LUZP2: variants seen among roughly 807,000 people sequenced by gnomAD.
The protein encoded by LUZP2 is leucine zipper protein 2.
In LUZP2, 52 loss-of-function variants were observed where a neutral mutation model predicts 51.6. The ratio of observed to expected loss-of-function variants is 1.01; its 90% CI spans 0.81 to 1.27. The LOEUF (loss-of-function observed/expected upper bound fraction) is 1.27, where lower values mean the gene tolerates loss of function less well. Among genes scored for constraint, LUZP2 ranks in the 50% most tolerant of loss-of-function variants. LUZP2 has a pLI of 0.00. For missense variants in LUZP2, 436 were observed against 395.4 expected (o/e 1.10, Z -0.87); for synonymous variants, 154 against 137.3 (o/e 1.12, Z -0.85).
chr11:24,569,523 A>G (rs980742956), intron 1 of LUZP2, among the ~76,000 whole-genome samples: 62 of 152,162 alleles, frequency 4.1e-4, no homozygotes, highest in African/African-American at 1.4e-3. Context: ...TTGAATAGCA[A>G]ACTTATATAC....
chr11:24,552,164 T>G (rs1237861554), intron 1 of LUZP2, among the ~76,000 whole-genome samples: 1 of 152,030 alleles, frequency 6.6e-6, no homozygotes. Context: ...CAAATGTAGA[T>G]TCAGTATCTT....
At chr11:24,579,493 G>A (rs1457255776) in intron 1 of LUZP2, among the ~76,000 whole-genome samples, 1 of 151,990 alleles carries the variant, frequency 6.6e-6, no homozygotes. Context: ...CAATTGCAAA[G>A]GACAAAATTG....
At position 24,963,265 on chromosome 11, in the gene LUZP2, G is replaced by A. The variant is rs543286008; in HGVS notation, c.523-13326G>A. Among the ~76,000 whole-genome samples, 1,034 of 152,226 alleles carry A rather than the reference G, an allele frequency of 6.8e-3. 6 individuals carry two copies. Among genetic ancestry groups the A allele is most frequent in the Non-Finnish European group, 0.011 (740 of 68,008 alleles). Reference sequence around the variant, plus strand: ...TGCCGGTTCTCAGATCTCCAGCTGCGTGCTGGGAGAACCACTGCTCTCTTC... The same window carrying A: ...TGCCGGTTCTCAGATCTCCAGCTGCATGCTGGGAGAACCACTGCTCTCTTC... On this transcript the variant is annotated intron_variant, in intron 7 of 11. Coordinates refer to ENST00000336930, the MANE Select transcript of LUZP2 (RefSeq NM_001009909.4).
rs1854524788 is a variant in LUZP2 at position 24,622,315 on chromosome 11, TC to T, written c.63-106852del. ...CACAACAGGCCCCAGTGTGTGATGT[TC>T]CGCTTCCTGTGTCCATGTGTTCTCA... On this transcript the variant is annotated intron_variant, in intron 1 of 11. Coordinates refer to ENST00000336930, the MANE Select transcript of LUZP2 (RefSeq NM_001009909.4). 2.0e-5 allele frequency among the ~76,000 whole-genome samples: 3 copies of T among 151,030 alleles called. No individual in the cohort carries two copies. In the South Asian group the frequency reaches 6.5e-4, roughly 33 times the overall value.
At chr11:24,877,133 G>A (rs1470507684) in intron 5 of LUZP2, among the ~76,000 whole-genome samples, 1 of 152,124 alleles carries the variant, frequency 6.6e-6, no homozygotes, top group African/African-American at 2.4e-5. Context: ...GTGAAGTGCA[G>A]AACCCTAGCT....
At chr11:24,723,671 T>TA (rs377447929) in intron 1 of LUZP2, among the ~76,000 whole-genome samples, 2 of 151,716 alleles carry the variant, frequency 1.3e-5, no homozygotes, top group African/African-American at 4.8e-5. Flanking sequence ...TACAAAAAAT[T>TA]AAAAAAGCTT....
chr11:24,910,448 G>A (rs1853590903), intron 6 of LUZP2, among the ~76,000 whole-genome samples: 1 of 152,172 alleles, frequency 6.6e-6, no homozygotes, highest in African/African-American at 2.4e-5. Flanking sequence ...GCTGGGTCCA[G>A]GGCCTCCCTG....
intron 5 of LUZP2, among the ~76,000 whole-genome samples, chr11:24,862,836 A>T (rs1851780704): frequency 6.6e-6 from 1 of 152,256 alleles, no homozygotes; most frequent in South Asian, 2.1e-4. Context: ...AATTCAGAAT[A>T]TATAAAGAAA....
intron 1 of LUZP2, among the ~76,000 whole-genome samples, chr11:24,613,765 A>G (rs2133891516): frequency 6.6e-6 from 1 of 150,986 alleles, no homozygotes; most frequent in Non-Finnish European, 1.5e-5. Context: ...AAGAGACATT[A>G]AAAGAGGATA....
intron 1 of LUZP2, among the ~76,000 whole-genome samples, chr11:24,599,481 C>A (rs931346148): frequency 6.6e-6 from 1 of 152,090 alleles, no homozygotes; most frequent in African/African-American, 2.4e-5. Context: ...AATTGACAAC[C>A]CTTGTATGTA....
chr11:24,895,036 A>G (rs1852993237), intron 5 of LUZP2, among the ~76,000 whole-genome samples: 1 of 152,170 alleles, frequency 6.6e-6, no homozygotes, highest in African/African-American at 2.4e-5. Flanking sequence ...TTATATAGGC[A>G]AGACATTAGA....
At chr11:24,849,429 CT>C (rs1206232231) in intron 5 of LUZP2, among the ~76,000 whole-genome samples, 20 of 152,068 alleles carry the variant, frequency 1.3e-4, no homozygotes, top group Middle Eastern at 3.4e-3. Context: ...TGGTTTCCAG[CT>C]TAATCCATGT....
At chr11:24,999,070 A>T (rs1005297527) in intron 9 of LUZP2, among the ~76,000 whole-genome samples, 1 of 152,154 alleles carries the variant, frequency 6.6e-6, no homozygotes, top group Non-Finnish European at 1.5e-5. Flanking sequence ...ACACATGGTC[A>T]TTGAGCCCTT....
At chr11:24,587,462 G>A (rs1210878478) in intron 1 of LUZP2, among the ~76,000 whole-genome samples, 3 of 152,120 alleles carry the variant, frequency 2.0e-5, no homozygotes, top group Non-Finnish European at 4.4e-5. Flanking sequence ...TGTCTGGACG[G>A]AAAATTTTCT....
At chr11:24,557,880 C>T (rs796828754) in intron 1 of LUZP2, among the ~76,000 whole-genome samples, 4 of 152,152 alleles carry the variant, frequency 2.6e-5, no homozygotes, top group African/African-American at 9.6e-5. Context: ...GTGCTGAGCC[C>T]GTTTCTCTTC....
intron 7 of LUZP2, among the ~76,000 whole-genome samples, chr11:24,962,865 GCT>G (rs755546549): frequency 6.6e-6 from 1 of 152,150 alleles, no homozygotes. Context: ...CAGTTTTTCT[GCT>G]CTGTTTTTTC....
At chr11:24,725,056 A>G (rs889868215) in intron 1 of LUZP2, among the ~76,000 whole-genome samples, 3 of 152,162 alleles carry the variant, frequency 2.0e-5, no homozygotes, top group Admixed American at 2.0e-4. Flanking sequence ...TATAATGCAA[A>G]TGCAATTTCA....
intron 5 of LUZP2, among the ~76,000 whole-genome samples, chr11:24,871,866 C>T (rs75771740): frequency 0.045 from 6,776 of 152,120 alleles, 480 homozygotes; most frequent in African/African-American, 0.15. Flanking sequence ...TATGCAGTTA[C>T]GTTAGGAAAT....
Position 24,841,072 on chromosome 11 carries a change from T to C in LUZP2, c.397-64919T>C, listed in dbSNP as rs970598821. ...ATGAAATGACTTTGGAGTAGTGTTA[T>C]AGACTATATGTTTCTGTCCCCCAAA... On this transcript the variant is annotated intron_variant, in intron 5 of 11. Transcript: ENST00000336930. 6.6e-4 allele frequency among the ~76,000 whole-genome samples: 100 copies of C among 151,990 alleles called. 1 individual carries two copies. The highest frequency in any genetic ancestry group is 2.3e-3 in the African/African-American group (97 of 41,436).
Sources: gnomAD v4.1 joint callset for allele counts (sites outside exome capture counted in the v4.1 genomes callset) on GRCh38, gnomAD v4.1.1 for gene constraint, MANE v1.5 for transcripts, NCBI Gene and HGNC (gene_info 2026-07-23, HGNC 2026-07-21) for gene names.